The following RPS6KC1 variants were observed in gnomAD, a reference collection of about 807,000 sequenced individuals.
The protein encoded by RPS6KC1 is ribosomal protein S6 kinase C1, also known as inactive ribosomal protein S6 kinase delta-1.
Under a neutral mutation model 103.8 loss-of-function variants are expected in RPS6KC1, and 54 were observed. The observed-to-expected ratio is 0.52, with a 90% CI of 0.42 to 0.65. The LOEUF is 0.65. RPS6KC1 is among the 30% of genes least tolerant of loss of function. RPS6KC1 has a pLI of 0.00. For synonymous variants in RPS6KC1, 439 were observed against 438.7 expected, an observed-to-expected ratio of 1.00 and a Z score of -0.01; for missense variants, 1,151 against 1,253.8, an observed-to-expected ratio of 0.92 and a Z score of 1.24.
At chr1:213,454,415 C>T in the RPS6KC1 span, among the ~76,000 whole-genome samples, 3 of 152,106 alleles carry the variant, frequency 2.0e-5, no homozygotes, top group Admixed American at 6.5e-5. Context: ...GGGAGTTAAC[C>T]TCATGCAATG....
chr1:213,349,267 A>T, the RPS6KC1 span, among the ~76,000 whole-genome samples: 1 of 152,200 alleles, frequency 6.6e-6, no homozygotes, highest in African/African-American at 2.4e-5. Flanking sequence ...AATATTATTG[A>T]CATTTCAAAG....
At chr1:213,602,702 A>C in the RPS6KC1 span, among the ~76,000 whole-genome samples, 8 of 152,190 alleles carry the variant, frequency 5.3e-5, no homozygotes, top group Non-Finnish European at 1.2e-4. Flanking sequence ...ATCAAAGTTA[A>C]GGTCTTTGGG....
At chr1:213,487,212 G>A in the RPS6KC1 span, among the ~76,000 whole-genome samples, 6 of 152,128 alleles carry the variant, frequency 3.9e-5, no homozygotes, top group African/African-American at 1.4e-4. Context: ...AGAGCAACCT[G>A]GGCAACATGG....
the RPS6KC1 span, among the ~76,000 whole-genome samples, chr1:213,455,456 G>T: frequency 6.6e-6 from 1 of 152,230 alleles, no homozygotes; most frequent in African/African-American, 2.4e-5. Context: ...AAGGTGGCTA[G>T]ATGTAGGGGA....
At chr1:213,230,307 A>G (rs1300271421) in intron 8 of RPS6KC1, among the ~76,000 whole-genome samples, 190 bp from the exon 9 acceptor site, 1 of 152,232 alleles carries the variant, frequency 6.6e-6, no homozygotes, top group Non-Finnish European at 1.5e-5. Flanking sequence ...GGAAACCATA[A>G]TAAAACCTAT....
At chr1:213,127,013 A>G (rs2085064391) in intron 5 of RPS6KC1, among the ~76,000 whole-genome samples, 1 of 152,122 alleles carries the variant, frequency 6.6e-6, no homozygotes, top group Admixed American at 6.6e-5. Flanking sequence ...TTCCTGAGAA[A>G]CTTGGCAGAT....
chr1:213,540,606 T>G, the RPS6KC1 span, among the ~76,000 whole-genome samples: 6 of 152,194 alleles, frequency 3.9e-5, no homozygotes, highest in African/African-American at 1.4e-4. Context: ...CCACCTCAGC[T>G]TCCTAAAGTG....
chr1:213,125,205 G>T (rs1387411218), intron 5 of RPS6KC1, among the ~76,000 whole-genome samples: 2 of 151,952 alleles, frequency 1.3e-5, no homozygotes, highest in Non-Finnish European at 2.9e-5. Context: ...AATAGTGTAT[G>T]TTTCTAGCCT....
At chr1:213,145,837 C>T (rs1265424737) in intron 6 of RPS6KC1, among the ~76,000 whole-genome samples, 3 of 151,808 alleles carry the variant, frequency 2.0e-5, no homozygotes, top group East Asian at 3.8e-4. Flanking sequence ...GTATCCATCC[C>T]CTTAAGCATT....
At chr1:213,501,551 A>G in the RPS6KC1 span, among the ~76,000 whole-genome samples, 335 of 152,170 alleles carry the variant, frequency 2.2e-3, 2 homozygotes, top group South Asian at 9.1e-3. Flanking sequence ...CCAGCCTGGC[A>G]AACATGGTGA....
At chr1:213,100,823 T>TGTATATGTA (rs2081957482) in intron 3 of RPS6KC1, among the ~76,000 whole-genome samples, 2 of 152,336 alleles carry the variant, frequency 1.3e-5, no homozygotes, top group South Asian at 4.1e-4. Context: ...ATTTTCTTTA[T>TGTATATGTA]CCAGTCCACT....
intron 4 of RPS6KC1, among the ~76,000 whole-genome samples, chr1:213,116,680 G>A (rs961997638): frequency 6.6e-6 from 1 of 151,896 alleles, no homozygotes; most frequent in African/African-American, 2.4e-5. Flanking sequence ...TGATTTTGCA[G>A]TGGCTGGTAC....
the RPS6KC1 span, among the ~76,000 whole-genome samples, chr1:213,294,506 C>T: frequency 1.3e-5 from 2 of 152,094 alleles, no homozygotes; most frequent in African/African-American, 4.8e-5. Flanking sequence ...AGCTGAATTT[C>T]AGTCATTTTT....
intron 14 of RPS6KC1, 67 bp from the exon 15 acceptor site, chr1:213,272,457 C>A: frequency 8.0e-7 from 1 of 1,244,830 alleles, no homozygotes; most frequent in South Asian, 1.2e-5. Context: ...TGTTTCTTTT[C>A]AAATATTGGT....
chr1:213,209,681 G>A (rs1303311301), intron 8 of RPS6KC1, among the ~76,000 whole-genome samples: 1 of 51,836 alleles, frequency 1.9e-5, no homozygotes, highest in African/African-American at 6.1e-5. Context: ...GGCAACAAGA[G>A]CAAAACTCCG....
chr1:213,384,448 A>C, the RPS6KC1 span, among the ~76,000 whole-genome samples: 1 of 152,028 alleles, frequency 6.6e-6, no homozygotes, highest in Non-Finnish European at 1.5e-5. Context: ...GTGATGGGGA[A>C]GAGCCAAGAT....
chr1:213,629,470 T>A, the RPS6KC1 span, among the ~76,000 whole-genome samples: 8 of 152,226 alleles, frequency 5.3e-5, no homozygotes, highest in Admixed American at 2.0e-4. Context: ...TTTGAGCCTA[T>A]GTGTGTTTCC....
the RPS6KC1 span, among the ~76,000 whole-genome samples, chr1:213,400,106 T>A: frequency 1.3e-5 from 2 of 152,212 alleles, no homozygotes; most frequent in South Asian, 4.2e-4. Flanking sequence ...CCTCGGGTCT[T>A]GTGCGATTTA....
chr1:213,804,764 G>C, the RPS6KC1 span, among the ~76,000 whole-genome samples: 1 of 152,182 alleles, frequency 6.6e-6, no homozygotes. Flanking sequence ...TATAATAATA[G>C]ATGCTCAATA....
Sources: allele counts gnomAD v4.1 joint callset (sites outside exome capture counted in the v4.1 genomes callset), GRCh38; gene constraint gnomAD v4.1.1; transcripts MANE v1.5; gene names NCBI Gene and HGNC (gene_info 2026-07-23, HGNC 2026-07-21).